The following EXOC6 variants were observed in gnomAD, a reference collection of about 807,000 sequenced individuals.
EXOC6 encodes the protein exocyst complex component 6, also known as SEC15-like 1.
Under a neutral mutation model 112.5 loss-of-function variants are expected in EXOC6, and 60 were observed. The observed-to-expected ratio is 0.53, with a 90% CI of 0.43 to 0.66. EXOC6 has a LOEUF of 0.66. Among genes scored for constraint, EXOC6 ranks in the 30% least tolerant of loss-of-function variants. The pLI is 0.00. For synonymous variants in EXOC6, 295 were observed against 308.0 expected (o/e 0.96, Z 0.44); for missense variants, 855 against 957.1 (o/e 0.89, Z 1.41).
chr10:93,035,273 T>C (rs1845465572), intron 20 of EXOC6, among the ~76,000 whole-genome samples: 1 of 152,236 alleles, frequency 6.6e-6, no homozygotes, highest in Admixed American at 6.5e-5. Context: ...TAGGTGCTTA[T>C]GCCTTCAGCT....
chr10:92,979,656 G>A (rs1402955637), intron 18 of EXOC6, among the ~76,000 whole-genome samples: 4 of 152,244 alleles, frequency 2.6e-5, no homozygotes, highest in South Asian at 4.2e-4. Flanking sequence ...CTTGCTGGCT[G>A]TGGTGGCTCA....
At chr10:93,046,743 G>T (rs1846017343) in intron 20 of EXOC6, among the ~76,000 whole-genome samples, 1 of 152,042 alleles carries the variant, frequency 6.6e-6, no homozygotes, top group African/African-American at 2.4e-5. Context: ...GATTACAGGT[G>T]CCCACCACCA....
At chr10:92,971,425 A>C (rs1728914625) in intron 17 of EXOC6, among the ~76,000 whole-genome samples, 1 of 150,164 alleles carries the variant, frequency 6.7e-6, no homozygotes, top group Non-Finnish European at 1.5e-5. Flanking sequence ...CCCAGGCTGG[A>C]GTGCAGTGGC....
chr10:92,864,820 G>A (rs956188372), intron 1 of EXOC6, among the ~76,000 whole-genome samples: 2 of 152,124 alleles, frequency 1.3e-5, no homozygotes, highest in African/African-American at 4.8e-5. Flanking sequence ...GACTTGGTCT[G>A]AATTATACCA....
chr10:92,928,549 A>G, intron 9 of EXOC6, 127 bp downstream of exon 9: 1 of 585,280 alleles, frequency 1.7e-6, no homozygotes, highest in Non-Finnish European at 3.0e-6. Flanking sequence ...TACCATTTCC[A>G]AACATTGGTT....
At chr10:93,020,074 A>C (rs945101602) in intron 20 of EXOC6, among the ~76,000 whole-genome samples, 9 of 152,308 alleles carry the variant, frequency 5.9e-5, no homozygotes, top group African/African-American at 1.9e-4. Context: ...GGGGGACTAG[A>C]AAAAATACAT....
At chr10:92,969,839 G>A (rs1040114951) in intron 17 of EXOC6, among the ~76,000 whole-genome samples, 1 of 151,912 alleles carries the variant, frequency 6.6e-6, no homozygotes, top group African/African-American at 2.4e-5. Context: ...GATTATAGGC[G>A]TACACCACCA....
chr10:92,843,976 C>CA (rs34641974), upstream of EXOC6, among the ~76,000 whole-genome samples: 12,846 of 37,680 alleles, frequency 0.34, 2,885 homozygotes, highest in African/African-American at 0.48. Context: ...GACTCTGTCT[C>CA]AAAAAAAAAA....
intron 18 of EXOC6, among the ~76,000 whole-genome samples, chr10:92,976,029 G>A (rs554636602): frequency 0.015 from 1,012 of 67,710 alleles, 17 homozygotes; most frequent in Non-Finnish European, 0.014. Flanking sequence ...GCCAGCCGCC[G>A]CGTCCGGGAG....
chr10:92,880,031 T>C (rs1848871716), intron 1 of EXOC6, among the ~76,000 whole-genome samples: 1 of 152,194 alleles, frequency 6.6e-6, no homozygotes, highest in South Asian at 2.1e-4. Flanking sequence ...TAGTTGTTGA[T>C]TAGGTCGAGT....
intron 18 of EXOC6, among the ~76,000 whole-genome samples, chr10:92,974,925 C>A (rs1156892144): frequency 6.6e-6 from 1 of 152,212 alleles, no homozygotes; most frequent in Non-Finnish European, 1.5e-5. Context: ...ACAACCTCCA[C>A]CTCCCAGCCA....
chr10:92,955,388 GTA>G lies in EXOC6; in HGVS notation c.1639-175_1639-174del, dbSNP rs199547769. On this transcript the variant is annotated intron_variant, in intron 16 of 21. Transcript: ENST00000260762. Reference sequence around the variant, plus strand: ...ACTCTTGGTGTGTGTGTGTGTGTGTGTATATATATATATATATAAATTCATAC... The same window carrying G: ...ACTCTTGGTGTGTGTGTGTGTGTGTGTATATATATATATATAAATTCATAC... Among the ~76,000 whole-genome samples the G allele has an allele frequency of 9.3e-3, 1,375 of 147,344 alleles. 9 individuals carry two copies. The highest frequency in any genetic ancestry group is 0.024 in the African/African-American group (955 of 40,082).
intron 18 of EXOC6, chr10:92,987,578 T>A: frequency 1.0e-6 from 1 of 979,382 alleles, no homozygotes; most frequent in South Asian, 4.7e-5. Flanking sequence ...ACATTTTCCT[T>A]TTTTATTTGA....
chr10:92,975,022 C>A (rs936183100), intron 18 of EXOC6, among the ~76,000 whole-genome samples: 2 of 151,760 alleles, frequency 1.3e-5, no homozygotes, highest in East Asian at 2.0e-4. Flanking sequence ...TCTGCCTGGT[C>A]GCCCATTGTC....
Position 92,934,205 on chromosome 10 carries a change from T to C in EXOC6, c.1019+15T>C, listed in dbSNP as rs760564708. On this transcript the variant is annotated intron_variant, in intron 10 of 21. Transcript: ENST00000260762. Reference sequence around the variant, plus strand: ...CAAATTGTAGGGTATGTATCTAATATGGAAATAACTATTATTAATTTTATA... The same window carrying C: ...CAAATTGTAGGGTATGTATCTAATACGGAAATAACTATTATTAATTTTATA... 1.3e-5 allele frequency: 20 copies of C among 1,530,876 alleles called. No homozygotes were observed. In the South Asian group the frequency reaches 2.5e-4, roughly 19 times the overall value. 94.8% of individuals were successfully genotyped at this position (1,530,876 alleles called of 1,614,324 possible). A position where few individuals can be genotyped will look rare whatever the true frequency, so the allele number is the denominator to read the frequency against.
At chr10:92,864,655 CAA>C (rs34140137) in intron 1 of EXOC6, among the ~76,000 whole-genome samples, 68,213 of 151,712 alleles carry the variant, frequency 0.45, 16,111 homozygotes, top group African/African-American at 0.58. Context: ...ACTGAGGCCT[CAA>C]ATGGAATAAA....
intron 20 of EXOC6, among the ~76,000 whole-genome samples, chr10:93,018,438 C>G (rs1446220916): frequency 6.6e-6 from 1 of 152,112 alleles, no homozygotes; most frequent in Non-Finnish European, 1.5e-5. Context: ...CATAGTCTTT[C>G]TACCCAAACA....
At chr10:92,987,181 G>A (rs2134141642) in intron 18 of EXOC6, among the ~76,000 whole-genome samples, 1 of 152,176 alleles carries the variant, frequency 6.6e-6, no homozygotes, top group Non-Finnish European at 1.5e-5. Context: ...CCAGTGCTTG[G>A]CCCTAGACCT....
intron 1 of EXOC6, among the ~76,000 whole-genome samples, chr10:92,851,736 C>T (rs1372754224): frequency 2.0e-5 from 3 of 151,162 alleles, no homozygotes; most frequent in South Asian, 4.2e-4. Flanking sequence ...AGAGAGGTTA[C>T]GTGACTATAG....
Sources: allele counts gnomAD v4.1 joint callset (sites outside exome capture counted in the v4.1 genomes callset), GRCh38; gene constraint gnomAD v4.1.1; transcripts MANE v1.5; gene names NCBI Gene and HGNC (gene_info 2026-07-23, HGNC 2026-07-21).